The following NAALADL2 variants were observed in gnomAD, a reference collection of about 807,000 sequenced individuals.
NAALADL2 encodes the protein N-acetylated alpha-linked acidic dipeptidase like 2.
NAALADL2 carries 76 observed loss-of-function variants against 87.2 expected under a neutral mutation model. The ratio of observed to expected loss-of-function variants is 0.87; its 90% confidence interval spans 0.72 to 1.05. The LOEUF is 1.05. Among genes scored for constraint, NAALADL2 ranks in the 50% least tolerant of loss-of-function variants. The probability of loss-of-function intolerance (pLI) is 0.00; values close to 1 mark genes in which losing one functional copy is unlikely to be tolerated. For missense variants in NAALADL2, 1,089 were observed against 945.8 expected (o/e 1.15, Z -1.99); for synonymous variants, 354 against 331.0 (o/e 1.07, Z -0.75).
At chr3:174,607,757 C>T (rs957511949) in intron 2 of NAALADL2, among the ~76,000 whole-genome samples, 48 of 152,180 alleles carry the variant, frequency 3.2e-4, no homozygotes, top group African/African-American at 8.2e-4. Context: ...GACAGATCAA[C>T]GAGACAGAAA....
intron 1 of NAALADL2, among the ~76,000 whole-genome samples, chr3:174,939,574 T>C (rs181333631): frequency 6.6e-6 from 1 of 152,138 alleles, no homozygotes; most frequent in East Asian, 1.9e-4. Flanking sequence ...TAGAAATAGC[T>C]TTCAATCTGT....
At chr3:175,034,178 T>A (rs1383292480) in intron 1 of NAALADL2, among the ~76,000 whole-genome samples, 1 of 152,150 alleles carries the variant, frequency 6.6e-6, no homozygotes, top group African/African-American at 2.4e-5. Context: ...CCTTTGACAC[T>A]CCATTTAATA....
chr3:174,559,431 TA>T (rs1398101756), intron 2 of NAALADL2, among the ~76,000 whole-genome samples: 1 of 152,196 alleles, frequency 6.6e-6, no homozygotes, highest in Non-Finnish European at 1.5e-5. Flanking sequence ...TAACAGTAGA[TA>T]AAGTAGAAAT....
At chr3:174,767,418 T>C (rs1713952797) in intron 3 of NAALADL2, among the ~76,000 whole-genome samples, 1 of 152,214 alleles carries the variant, frequency 6.6e-6, no homozygotes, top group Non-Finnish European at 1.5e-5. Flanking sequence ...AAACTGCCTT[T>C]ATCAGGTGAT....
chr3:174,989,847 A>G (rs1209964796), intron 1 of NAALADL2, among the ~76,000 whole-genome samples: 2 of 152,178 alleles, frequency 1.3e-5, no homozygotes, highest in African/African-American at 4.8e-5. Context: ...ATGCATGGAA[A>G]ACTAAGCAAA....
intron 3 of NAALADL2, among the ~76,000 whole-genome samples, chr3:174,746,738 C>G (rs1322344272): frequency 6.6e-6 from 1 of 151,926 alleles, no homozygotes; most frequent in Non-Finnish European, 1.5e-5. Flanking sequence ...GACACATAGA[C>G]CAATGGAACA....
At chr3:175,160,684 A>AATTAAGT (rs1197904629) in intron 2 of NAALADL2, among the ~76,000 whole-genome samples, 1 of 152,070 alleles carries the variant, frequency 6.6e-6, no homozygotes, top group East Asian at 1.9e-4. Context: ...AGCAATACTT[A>AATTAAGT]ATTGCTTATC....
intron 5 of NAALADL2, among the ~76,000 whole-genome samples, chr3:175,338,472 G>A (rs117373141): frequency 3.0e-4 from 46 of 151,464 alleles, no homozygotes; most frequent in East Asian, 5.9e-4. Context: ...TTGGTTCTGC[G>A]TAGGTCCCCG....
chr3:175,729,675 A>G (rs1373872086), intron 11 of NAALADL2, among the ~76,000 whole-genome samples: 1 of 151,904 alleles, frequency 6.6e-6, no homozygotes, highest in African/African-American at 2.4e-5. Context: ...AGTCATCCCT[A>G]CAGTCTCCGA....
chr3:174,984,418 AT>A (rs11285535), intron 1 of NAALADL2, among the ~76,000 whole-genome samples: 4,886 of 148,644 alleles, frequency 0.033, 255 homozygotes, highest in African/African-American at 0.11. Context: ...AGCTTGTTTA[AT>A]TTTTTTTTTT....
chr3:175,093,416 TTA>T (rs1179118417), intron 1 of NAALADL2, among the ~76,000 whole-genome samples: 87 of 139,496 alleles, frequency 6.2e-4, no homozygotes, highest in East Asian at 8.6e-4. Flanking sequence ...TTTTATTTTT[TTA>T]TATATATATA....
At chr3:175,545,860 A>G (rs1446007834) in intron 9 of NAALADL2, among the ~76,000 whole-genome samples, 1 of 152,144 alleles carries the variant, frequency 6.6e-6, no homozygotes, top group Non-Finnish European at 1.5e-5. Flanking sequence ...TTTCCATTCC[A>G]TATCACCATA....
At chr3:175,703,812 G>A (rs1739309540) in intron 11 of NAALADL2, among the ~76,000 whole-genome samples, 1 of 151,300 alleles carries the variant, frequency 6.6e-6, no homozygotes, top group South Asian at 2.1e-4. Context: ...AAATCAAATT[G>A]CATTCATTTT....
intron 9 of NAALADL2, among the ~76,000 whole-genome samples, chr3:175,519,796 A>G (rs1162011066): frequency 6.6e-6 from 1 of 152,204 alleles, no homozygotes; most frequent in Non-Finnish European, 1.5e-5. Context: ...TTAAAATACA[A>G]TGCTTCTGGT....
At chr3:175,343,677 C>CTTTTTTTT (rs1560398617) in intron 5 of NAALADL2, among the ~76,000 whole-genome samples, 1 of 78,882 alleles carries the variant, frequency 1.3e-5, no homozygotes, top group Non-Finnish European at 2.8e-5. Flanking sequence ...TTTTTTTTTT[C>CTTTTTTTT]CCTTCCCACT....
intron 3 of NAALADL2, among the ~76,000 whole-genome samples, chr3:175,252,616 A>G (rs948398785): frequency 6.6e-6 from 1 of 152,218 alleles, no homozygotes; most frequent in East Asian, 1.9e-4. Context: ...ACTTTCAATA[A>G]GAAGAAATGA....
chr3:174,533,172 G>A (rs1309226467), intron 1 of NAALADL2, among the ~76,000 whole-genome samples: 1 of 151,344 alleles, frequency 6.6e-6, no homozygotes, highest in Non-Finnish European at 1.5e-5. Context: ...CAGCCAATGG[G>A]GAAGGGGTAC....
At position 175,427,774 on chromosome 3, in the gene NAALADL2, C is replaced by T. The variant is rs1402370213; in HGVS notation, c.1091-19455C>T. Among the ~76,000 whole-genome samples the T allele has an allele frequency of 2.8e-5, 4 of 141,306 alleles. No homozygotes were observed. In the East Asian group the frequency reaches 8.3e-4, roughly 29 times the overall value. 92.7% of individuals were successfully genotyped at this position (141,306 alleles called of 152,430 possible). ...AAAATTTGCATATTTTTATACTTCT[C>T]CTCTAAGGTAGGAATACAATAAAGT... is the stretch of plus-strand genomic sequence containing the variant. On this transcript the variant is annotated intron_variant, in intron 5 of 13. Coordinates refer to ENST00000454872, the MANE Select transcript of NAALADL2 (RefSeq NM_207015.3).
At chr3:175,004,458 G>A (rs1052894291) in intron 1 of NAALADL2, among the ~76,000 whole-genome samples, 4 of 149,232 alleles carry the variant, frequency 2.7e-5, no homozygotes, top group African/African-American at 4.9e-5. Context: ...TTTTGCGAGT[G>A]TGTGGCGTTT....
Sources: gnomAD v4.1 joint callset for allele counts (sites outside exome capture counted in the v4.1 genomes callset) on GRCh38, gnomAD v4.1.1 for gene constraint, MANE v1.5 for transcripts, NCBI Gene and HGNC (gene_info 2026-07-23, HGNC 2026-07-21) for gene names.